The following PRKN variants were observed in gnomAD, a reference collection of about 807,000 sequenced individuals.
PRKN encodes E3 ubiquitin-protein ligase parkin.
A neutral mutation model predicts 59.5 loss-of-function variants in PRKN; 56 were observed. The ratio of observed to expected loss-of-function variants is 0.94; its 90% CI spans 0.76 to 1.18. The LOEUF (loss-of-function observed/expected upper bound fraction) is 1.18, where lower values mean the gene tolerates loss of function less well. PRKN is among the 50% of genes most tolerant of loss of function. The pLI is 0.00. For synonymous variants in PRKN, 250 were observed against 222.1 expected (o/e 1.13, Z -1.12); for missense variants, 657 against 596.4 (o/e 1.10, Z -1.06).
chr6:162,497,737 T>G (rs745669752), intron 1 of PRKN, among the ~76,000 whole-genome samples: 1 of 152,030 alleles, frequency 6.6e-6, no homozygotes, highest in African/African-American at 2.4e-5. Flanking sequence ...CACAACCAAA[T>G]GTACACAGTA....
At chr6:162,339,681 CT>C (rs943807607) in intron 2 of PRKN, among the ~76,000 whole-genome samples, 8 of 152,018 alleles carry the variant, frequency 5.3e-5, no homozygotes, top group African/African-American at 1.9e-4. Context: ...ACAATGGTGG[CT>C]TTGTGGAATA....
intron 2 of PRKN, among the ~76,000 whole-genome samples, chr6:162,340,799 C>A (rs1784145112): frequency 6.6e-6 from 1 of 152,114 alleles, no homozygotes; most frequent in Non-Finnish European, 1.5e-5. Flanking sequence ...ACGTTAAGAC[C>A]TAAAATCATA....
In PRKN at chr6:161,395,329, A is replaced by G. The variant is rs772940582; in HGVS notation, c.1084-8452T>C. Reference sequence around the variant, plus strand: ...TGCTCCATTCTTCCTGAACAGCCACACAATATTCCAGTGGATAGATGTGCC... The same window carrying G: ...TGCTCCATTCTTCCTGAACAGCCACGCAATATTCCAGTGGATAGATGTGCC... On this transcript the variant is annotated intron_variant, in intron 9 of 11. Coordinates refer to ENST00000366898, the MANE Select transcript of PRKN (RefSeq NM_004562.3). The surrounding 1 kb of genome is among the most constrained non-coding windows in gnomAD (Gnocchi z 5.0). 3.4e-4 allele frequency among the ~76,000 whole-genome samples: 52 copies of G among 152,304 alleles called. No individual in the cohort carries two copies. The highest frequency in any genetic ancestry group is 1.1e-3 in the African/African-American group (47 of 41,564).
chr6:162,355,933 A>C (rs1363258991), intron 2 of PRKN, among the ~76,000 whole-genome samples: 1 of 152,186 alleles, frequency 6.6e-6, no homozygotes, highest in East Asian at 1.9e-4. Context: ...TCAACTCATC[A>C]AAAGAAATGA....
chr6:162,313,414 A>C (rs1330508576), intron 2 of PRKN, among the ~76,000 whole-genome samples: 1 of 152,090 alleles, frequency 6.6e-6, no homozygotes, highest in Non-Finnish European at 1.5e-5. Flanking sequence ...TTGTTGCTGC[A>C]TGTGTCAGGA....
At chr6:162,007,647 T>C (rs1306224901) in intron 5 of PRKN, among the ~76,000 whole-genome samples, 1 of 152,058 alleles carries the variant, frequency 6.6e-6, no homozygotes, top group Admixed American at 6.6e-5. Flanking sequence ...TAGTAATCCA[T>C]CTGCTCATCA....
chr6:161,820,645 T>C (rs1248860940), intron 6 of PRKN, among the ~76,000 whole-genome samples: 1 of 148,126 alleles, frequency 6.8e-6, no homozygotes, highest in Non-Finnish European at 1.5e-5. Context: ...TTTATAAAAA[T>C]ATATGAATAA....
intron 1 of PRKN, among the ~76,000 whole-genome samples, chr6:162,552,428 G>A (rs976232404): frequency 6.6e-6 from 1 of 152,178 alleles, no homozygotes; most frequent in African/African-American, 2.4e-5. Flanking sequence ...ATGTACTCTG[G>A]AGGTATATCA....
At chr6:162,300,463 T>C (rs77617920) in intron 2 of PRKN, among the ~76,000 whole-genome samples, 8,828 of 152,202 alleles carry the variant, frequency 0.058, 336 homozygotes, top group Middle Eastern at 0.14. Context: ...TAGGTCTCCT[T>C]AATGGAGACT....
intron 1 of PRKN, among the ~76,000 whole-genome samples, chr6:162,552,761 T>C (rs981090479): frequency 4.6e-5 from 7 of 151,980 alleles, no homozygotes; most frequent in Middle Eastern, 3.2e-3. Flanking sequence ...CATGGGAATA[T>C]AACTCAAGGA....
intron 1 of PRKN, among the ~76,000 whole-genome samples, chr6:162,591,411 C>T (rs35126854): frequency 0.12 from 18,711 of 151,828 alleles, 1,266 homozygotes; most frequent in Middle Eastern, 0.21. Context: ...ATTTATGGTG[C>T]CCATGTGATA....
intron 1 of PRKN, among the ~76,000 whole-genome samples, chr6:162,526,925 T>C (rs778245351): frequency 6.6e-6 from 1 of 152,068 alleles, no homozygotes; most frequent in East Asian, 1.9e-4. Context: ...ACTCCCTAAG[T>C]ATGACATGAT....
chr6:161,853,869 T>C (rs1174162144), intron 6 of PRKN, among the ~76,000 whole-genome samples: 3 of 152,104 alleles, frequency 2.0e-5, no homozygotes, highest in Non-Finnish European at 4.4e-5. Context: ...GCCCATTCAG[T>C]GCACACAGAG....
chr6:161,749,050 G>T lies in PRKN; in HGVS notation c.871+36722C>A, dbSNP rs567172460. Among the ~76,000 whole-genome samples, 3 of 152,264 alleles carry T rather than the reference G, an allele frequency of 2.0e-5. No homozygotes were observed. In the South Asian group the frequency reaches 6.2e-4, roughly 32 times the overall value. On this transcript the variant is annotated intron_variant, in intron 7 of 11. Coordinates refer to ENST00000366898, the MANE Select transcript of PRKN (RefSeq NM_004562.3). ...GGAAGGTTGGCAAAACCAAGGGGAG[G>T]GGGTCCTTGTACTTGGTGAACAGAT...
At chr6:162,642,525 C>T (rs2803110) in intron 1 of PRKN, among the ~76,000 whole-genome samples, 93,117 of 151,796 alleles carry the variant, frequency 0.61, 29,282 homozygotes, top group African/African-American at 0.75. Context: ...TTGGTCAAAA[C>T]TGTAATTCAA....
intron 6 of PRKN, among the ~76,000 whole-genome samples, chr6:161,944,276 G>T (rs1482333343): frequency 6.6e-6 from 1 of 152,146 alleles, no homozygotes; most frequent in Non-Finnish European, 1.5e-5. Context: ...CTCTGCAATG[G>T]GGGGCTTAAG....
At chr6:162,042,253 A>G (rs191828139) in intron 5 of PRKN, among the ~76,000 whole-genome samples, 60 of 152,250 alleles carry the variant, frequency 3.9e-4, no homozygotes, top group African/African-American at 1.4e-3. Context: ...AAAAGCAAAC[A>G]TAAATGGAGA....
chr6:161,746,087 C>A (rs754031533), intron 7 of PRKN, among the ~76,000 whole-genome samples: 34 of 152,206 alleles, frequency 2.2e-4, no homozygotes, highest in Admixed American at 1.4e-3. Context: ...GTGGGTACAG[C>A]ACAAGTCTCT....
At chr6:162,639,646 A>G (rs1777884151) in intron 1 of PRKN, among the ~76,000 whole-genome samples, 1 of 151,180 alleles carries the variant, frequency 6.6e-6, no homozygotes, top group Non-Finnish European at 1.5e-5. Flanking sequence ...AATCAAAGGT[A>G]AAAGCCTACA....
Sources: gnomAD v4.1 joint callset for allele counts (sites outside exome capture counted in the v4.1 genomes callset) on GRCh38, gnomAD v4.1.1 for gene constraint, Gnocchi (gnomAD v3.1) non-coding constraint, MANE v1.5 for transcripts, NCBI Gene and HGNC (gene_info 2026-07-23, HGNC 2026-07-21) for gene names.